DOCK3: variants seen among roughly 807,000 people sequenced by gnomAD.
DOCK3 encodes dedicator of cytokinesis protein 3.
In DOCK3, 60 loss-of-function variants were observed where a neutral mutation model predicts 265.6. That is an observed-to-expected ratio of 0.23 (90% confidence interval 0.18 to 0.28). DOCK3 has a LOEUF of 0.28. Among genes scored for constraint, DOCK3 ranks in the 10% least tolerant of loss-of-function variants. DOCK3 has a pLI of 1.00. For synonymous variants in DOCK3, 881 were observed against 938.0 expected (o/e 0.94, Z 1.11); for missense variants, 1,981 against 2,594.3 (o/e 0.76, Z 5.14).
chr3:51,317,849 C>G (rs2083460019), intron 32 of DOCK3, among the ~76,000 whole-genome samples: 1 of 152,032 alleles, frequency 6.6e-6, no homozygotes, highest in South Asian at 2.1e-4. Flanking sequence ...AGACTCTAGT[C>G]CTTCCGTAGA....
At chr3:51,110,339 G>A (rs1183645205) in intron 9 of DOCK3, among the ~76,000 whole-genome samples, 2 of 152,080 alleles carry the variant, frequency 1.3e-5, no homozygotes, top group African/African-American at 2.4e-5. Context: ...GCATCATTCT[G>A]ATACCAAAAC....
chr3:51,214,391 C>T, intron 14 of DOCK3, 144 bp downstream of exon 14: 1 of 1,195,594 alleles, frequency 8.4e-7, no homozygotes, highest in Non-Finnish European at 1.1e-6. Flanking sequence ...CTGCTTACTG[C>T]AGTCTGCAGT....
At chr3:50,910,992 T>C (rs932519862) in intron 4 of DOCK3, among the ~76,000 whole-genome samples, 1 of 141,840 alleles carries the variant, frequency 7.1e-6, no homozygotes, top group Non-Finnish European at 1.5e-5. Flanking sequence ...CCTTCCCTCA[T>C]TTGTCTGTTT....
At chr3:50,791,937 C>T (rs533011872) in intron 2 of DOCK3, among the ~76,000 whole-genome samples, 4 of 151,844 alleles carry the variant, frequency 2.6e-5, no homozygotes, top group South Asian at 2.1e-4. Context: ...CTTGGCCATT[C>T]GGGATTTTTT....
At chr3:51,305,725 TGTGTGTGCGC>T (rs1363910131) in intron 27 of DOCK3, among the ~76,000 whole-genome samples, 39 of 41,980 alleles carry the variant, frequency 9.3e-4, no homozygotes, top group African/African-American at 3.5e-3. Flanking sequence ...TCTGTGTGTG[TGTGTGTGCGC>T]GTGTGTGTGT....
At chr3:51,281,165 T>C (rs1560344811) in intron 27 of DOCK3, among the ~76,000 whole-genome samples, 1 of 151,744 alleles carries the variant, frequency 6.6e-6, no homozygotes, top group Non-Finnish European at 1.5e-5. Flanking sequence ...TTTCTTTTCT[T>C]GTAGAACAGT....
At chr3:51,024,413 A>G (rs888185148) in intron 5 of DOCK3, among the ~76,000 whole-genome samples, 1 of 152,178 alleles carries the variant, frequency 6.6e-6, no homozygotes, top group Admixed American at 6.5e-5. Context: ...AGCTAAAGCA[A>G]GTTGGTAGAT....
At chr3:51,249,648 TG>T (rs375574220) in intron 22 of DOCK3, among the ~76,000 whole-genome samples, 37,335 of 46,234 alleles carry the variant, frequency 0.81, 14,768 homozygotes, top group African/African-American at 0.85. Context: ...GGGAGGGAGG[TG>T]GGGGGGGGTC....
At chr3:51,227,171 C>A in intron 15 of DOCK3, 112 bp from the exon 16 acceptor site, 1 of 1,253,456 alleles carries the variant, frequency 8.0e-7, no homozygotes, top group Non-Finnish European at 1.1e-6. Flanking sequence ...ATAGATTTTG[C>A]TTAGAGCAAA....
At chr3:51,027,726 A>G (rs2079880243) in intron 5 of DOCK3, among the ~76,000 whole-genome samples, 1 of 152,058 alleles carries the variant, frequency 6.6e-6, no homozygotes, top group South Asian at 2.1e-4. Flanking sequence ...TCTTTGGTTT[A>G]ACATCTGTTG....
At chr3:51,191,774 A>G (rs1055810361) in intron 12 of DOCK3, among the ~76,000 whole-genome samples, 6 of 151,790 alleles carry the variant, frequency 4.0e-5, no homozygotes, top group African/African-American at 7.3e-5. Flanking sequence ...ACTACCTCCA[A>G]TCTGCCATCT....
At chr3:50,822,976 C>G (rs927722514) in intron 2 of DOCK3, among the ~76,000 whole-genome samples, 1 of 152,120 alleles carries the variant, frequency 6.6e-6, no homozygotes, top group Non-Finnish European at 1.5e-5. Flanking sequence ...GCTCTGGGAA[C>G]TGATTTGTGT....
intron 2 of DOCK3, among the ~76,000 whole-genome samples, chr3:50,837,329 G>A (rs989044670): frequency 2.0e-5 from 3 of 152,214 alleles, no homozygotes; most frequent in African/African-American, 7.2e-5. Context: ...ATAAAGAAAA[G>A]AGATTTAATT....
chr3:50,943,328 T>C (rs1184917383), intron 5 of DOCK3, among the ~76,000 whole-genome samples: 2 of 152,064 alleles, frequency 1.3e-5, no homozygotes, highest in Admixed American at 6.5e-5. Context: ...CAAAAATAAA[T>C]TTTGTTTCTC....
intron 9 of DOCK3, among the ~76,000 whole-genome samples, chr3:51,139,022 C>A (rs550632842): frequency 5.3e-5 from 8 of 152,182 alleles, no homozygotes; most frequent in African/African-American, 1.7e-4. Context: ...ATTAAGGTAG[C>A]CTTCATCCAC....
At chr3:51,253,216 C>T (rs1243048461) in intron 22 of DOCK3, among the ~76,000 whole-genome samples, 3 of 152,180 alleles carry the variant, frequency 2.0e-5, no homozygotes, top group Admixed American at 2.0e-4. Flanking sequence ...ATGAAGCCCA[C>T]TTGATCTTGG....
At chr3:50,862,360 G>C (rs1364440327) in intron 3 of DOCK3, among the ~76,000 whole-genome samples, 1 of 152,236 alleles carries the variant, frequency 6.6e-6, no homozygotes, top group Non-Finnish European at 1.5e-5. Context: ...CCTTCGGGCA[G>C]CATATCTTTT....
chr3:51,159,554 A>G (rs2086029951), intron 11 of DOCK3, among the ~76,000 whole-genome samples: 1 of 152,112 alleles, frequency 6.6e-6, no homozygotes, highest in Non-Finnish European at 1.5e-5. Flanking sequence ...CCCTGTTTTT[A>G]GACCCAAACT....
At chr3:50,805,011 A>G (rs996436989) in intron 2 of DOCK3, among the ~76,000 whole-genome samples, 2 of 152,096 alleles carry the variant, frequency 1.3e-5, no homozygotes, top group African/African-American at 2.4e-5. Flanking sequence ...GGCATTTCAC[A>G]TATTTTCTTA....
Sources: allele counts gnomAD v4.1 joint callset (sites outside exome capture counted in the v4.1 genomes callset), GRCh38; gene constraint gnomAD v4.1.1; transcripts MANE v1.5; gene names NCBI Gene and HGNC (gene_info 2026-07-23, HGNC 2026-07-21).